SOX6: variants seen among roughly 807,000 people sequenced by gnomAD.
SOX6 encodes SRY-box transcription factor 6.
In SOX6, 11 loss-of-function variants were observed where a neutral mutation model predicts 97.8. The ratio of observed to expected loss-of-function variants is 0.11; its 90% confidence interval spans 0.07 to 0.19. SOX6 has a LOEUF of 0.19. SOX6 is among the 10% of genes least tolerant of loss of function. The pLI is 1.00. For synonymous variants in SOX6, 360 were observed against 371.4 expected, an observed-to-expected ratio of 0.97 and a Z score of 0.35; for missense variants, 810 against 1,039.5, an observed-to-expected ratio of 0.78 and a Z score of 3.04.
At chr11:16,428,311 G>A (rs898501766) in intron 1 of SOX6, among the ~76,000 whole-genome samples, 6 of 152,222 alleles carry the variant, frequency 3.9e-5, no homozygotes, top group South Asian at 2.1e-4. Flanking sequence ...CTTTTGCTGT[G>A]CAGAAGCTCT....
chr11:16,602,003 T>A (rs1848276105), intron 4 of SOX6, among the ~76,000 whole-genome samples: 1 of 152,214 alleles, frequency 6.6e-6, no homozygotes, highest in Non-Finnish European at 1.5e-5. Flanking sequence ...TAATCTCATT[T>A]CTTCTAGGCA....
intron 2 of SOX6, among the ~76,000 whole-genome samples, chr11:16,330,796 G>A (rs1247265175): frequency 6.6e-6 from 1 of 152,096 alleles, no homozygotes; most frequent in Non-Finnish European, 1.5e-5. Context: ...TTTTTGAGCT[G>A]AGGAAATCGA....
At chr11:16,675,188 C>T (rs1287346019) in intron 3 of SOX6, among the ~76,000 whole-genome samples, 2 of 152,216 alleles carry the variant, frequency 1.3e-5, no homozygotes, top group African/African-American at 4.8e-5. Context: ...ACAGTAATCA[C>T]ACATAAAGTT....
chr11:16,391,340 TA>T (rs1426521749), intron 1 of SOX6, among the ~76,000 whole-genome samples: 1 of 151,782 alleles, frequency 6.6e-6, no homozygotes, highest in Non-Finnish European at 1.5e-5. Context: ...AGTATGTTAA[TA>T]AAAAAAAGAA....
At chr11:16,331,319 A>G (rs151006785) in intron 2 of SOX6, among the ~76,000 whole-genome samples, 14 of 152,316 alleles carry the variant, frequency 9.2e-5, no homozygotes, top group Non-Finnish European at 1.8e-4. Context: ...TGTCAAATCC[A>G]TTTGTTCCTT....
intron 4 of SOX6, among the ~76,000 whole-genome samples, chr11:16,225,111 A>G (rs1401578809): frequency 6.6e-6 from 1 of 152,126 alleles, no homozygotes; most frequent in Non-Finnish European, 1.5e-5. Flanking sequence ...CTAGATCAAT[A>G]TAGCATTTGT....
intron 4 of SOX6, among the ~76,000 whole-genome samples, chr11:16,557,462 G>A (rs892021743): frequency 6.6e-6 from 1 of 151,728 alleles, no homozygotes; most frequent in Non-Finnish European, 1.5e-5. Context: ...GTCCTCCCCG[G>A]ATAGTCCCAG....
upstream of SOX6, among the ~76,000 whole-genome samples, chr11:16,479,462 G>A (rs1015812732): frequency 1.4e-4 from 21 of 151,512 alleles, no homozygotes; most frequent in East Asian, 1.7e-3. Flanking sequence ...CCTGGGAGGC[G>A]GAGGTTACAG....
rs563425143 is a variant in SOX6, at chr11:16,256,124, T to C, written c.446-21453A>G. 2.6e-5 allele frequency among the ~76,000 whole-genome samples: 4 copies of C among 152,094 alleles called. No homozygotes were observed. The East Asian group carries it at 5.8e-4, about 22-fold the overall frequency. On this transcript the variant is annotated intron_variant, in intron 3 of 15. Coordinates refer to ENST00000683767, the MANE Select transcript of SOX6 (RefSeq NM_001367873.1). ...AAACAGAAGCAACAGGCCCAGATTA[T>C]GGAATAAATGATGCCAATTCTATAT...
rs1397466476 is a variant in SOX6 at position 15,972,023 on chromosome 11, T to C, written c.*786A>G. The C allele has an allele frequency of 1.3e-5, 2 of 152,692 alleles. No homozygotes were observed. The highest frequency in any genetic ancestry group is 2.9e-5 in the Non-Finnish European group (2 of 68,120). 9.5% of individuals were successfully genotyped at this position (152,692 alleles called of 1,614,324 possible). A position where few individuals can be genotyped will look rare whatever the true frequency, so the allele number is the denominator to read the frequency against. On this transcript the variant is annotated 3_prime_UTR_variant, in exon 16 of 16. Coordinates refer to ENST00000683767, the MANE Select transcript of SOX6 (RefSeq NM_001367873.1). ...GTGTATGTCATACCACATCACGCACTGATGGCACGTCAACAGGCAAACACA... is the reference window on the plus strand; with the variant it reads ...GTGTATGTCATACCACATCACGCACCGATGGCACGTCAACAGGCAAACACA...
At chr11:16,669,142 C>A (rs1230740640) in intron 3 of SOX6, among the ~76,000 whole-genome samples, 1 of 152,002 alleles carries the variant, frequency 6.6e-6, no homozygotes, top group African/African-American at 2.4e-5. Flanking sequence ...ATATGTTAGG[C>A]CACAAAACAA....
chr11:16,422,617 C>T (rs1019656454), intron 1 of SOX6, among the ~76,000 whole-genome samples: 1 of 152,142 alleles, frequency 6.6e-6, no homozygotes. Context: ...TGGTTGTGTA[C>T]CATTATACAC....
chr11:16,420,690 GA>G (rs1214495723), intron 1 of SOX6, among the ~76,000 whole-genome samples: 1 of 152,274 alleles, frequency 6.6e-6, no homozygotes, highest in East Asian at 1.9e-4. Flanking sequence ...TAAGTTGGGT[GA>G]AAACTTAATT....
intron 4 of SOX6, among the ~76,000 whole-genome samples, chr11:16,569,868 C>CAATAAAAAAAAAAAAAAAAA (rs1847918345): frequency 1.2e-5 from 1 of 84,816 alleles, no homozygotes; most frequent in African/African-American, 6.2e-5. Flanking sequence ...GACTCCGTCT[C>CAATAAAAAAAAAAAAAAAAA]AAAAAAAAAA....
intron 9 of SOX6, among the ~76,000 whole-genome samples, chr11:16,082,768 A>G (rs968180314): frequency 1.3e-5 from 2 of 152,146 alleles, no homozygotes; most frequent in Admixed American, 6.5e-5. Context: ...TGTTCACTAT[A>G]CCTTATACTA....
chr11:16,166,088 T>C (rs533395689), intron 6 of SOX6, among the ~76,000 whole-genome samples: 1 of 152,242 alleles, frequency 6.6e-6, no homozygotes, highest in South Asian at 2.1e-4. Context: ...GTAGTATAAA[T>C]GTATACAGTC....
chr11:16,715,601 G>T (rs907217261), intron 2 of SOX6, among the ~76,000 whole-genome samples: 1 of 151,650 alleles, frequency 6.6e-6, no homozygotes. Context: ...AAAGGAGTGG[G>T]GAATAAAAGA....
intron 7 of SOX6, among the ~76,000 whole-genome samples, chr11:16,100,596 C>A (rs781115025): frequency 6.3e-4 from 96 of 151,654 alleles, no homozygotes; most frequent in Admixed American, 1.5e-3. Flanking sequence ...AAAATAAATT[C>A]TTAAATTTTC....
At chr11:15,985,683 A>G (rs968758619) in intron 15 of SOX6, among the ~76,000 whole-genome samples, 2 of 152,212 alleles carry the variant, frequency 1.3e-5, no homozygotes, top group Non-Finnish European at 2.9e-5. Context: ...GAAAATACAC[A>G]TTGTTACTGC....
Sources: gnomAD v4.1 joint callset for allele counts (sites outside exome capture counted in the v4.1 genomes callset) on GRCh38, gnomAD v4.1.1 for gene constraint, MANE v1.5 for transcripts, NCBI Gene and HGNC (gene_info 2026-07-23, HGNC 2026-07-21) for gene names.